GPHN: variants seen among roughly 807,000 people sequenced by gnomAD.
GPHN encodes gephyrin.
GPHN carries 17 observed loss-of-function variants against 95.5 expected under a neutral mutation model. The observed-to-expected ratio is 0.18, with a 90% CI of 0.12 to 0.27. The LOEUF is 0.27. GPHN is among the 10% of genes least tolerant of loss of function. The probability of loss-of-function intolerance (pLI) is 1.00; values close to 1 mark genes in which losing one functional copy is unlikely to be tolerated. For synonymous variants in GPHN, 320 were observed against 322.5 expected (o/e 0.99, Z 0.08); for missense variants, 660 against 978.1 (o/e 0.67, Z 4.34).
chr14:67,363,824 C>T, the GPHN span, among the ~76,000 whole-genome samples: 1 of 152,134 alleles, frequency 6.6e-6, no homozygotes, highest in African/African-American at 2.4e-5. Flanking sequence ...CCTTTAAGTT[C>T]TGTTACTACC....
At chr14:67,464,968 G>A in the GPHN span, among the ~76,000 whole-genome samples, 2 of 152,272 alleles carry the variant, frequency 1.3e-5, no homozygotes, top group African/African-American at 2.4e-5. Context: ...CGGAGTTGTC[G>A]GCACCCTGTA....
the GPHN span, among the ~76,000 whole-genome samples, chr14:67,237,067 G>A: frequency 6.6e-6 from 1 of 151,926 alleles, no homozygotes; most frequent in Admixed American, 6.6e-5. Context: ...TCCAGCCTGG[G>A]TGACTGAGCA....
the GPHN span, among the ~76,000 whole-genome samples, chr14:67,437,384 G>A: frequency 6.6e-6 from 1 of 152,204 alleles, no homozygotes; most frequent in Non-Finnish European, 1.5e-5. Flanking sequence ...AGATAAGATG[G>A]TCAGGGAAGG....
chr14:66,596,410 C>T (rs1468666468), intron 1 of GPHN, among the ~76,000 whole-genome samples: 1 of 152,066 alleles, frequency 6.6e-6, no homozygotes, highest in East Asian at 1.9e-4. Context: ...ATTAACCTGC[C>T]ATCCACGGTG....
intron 3 of GPHN, among the ~76,000 whole-genome samples, chr14:66,785,313 C>G (rs2059735312): frequency 6.6e-6 from 1 of 152,090 alleles, no homozygotes; most frequent in Non-Finnish European, 1.5e-5. Context: ...TTGCAGTGAG[C>G]CAAGATCACA....
the GPHN span, among the ~76,000 whole-genome samples, chr14:67,675,276 G>A: frequency 3.3e-5 from 5 of 152,148 alleles, no homozygotes; most frequent in Non-Finnish European, 5.9e-5. Context: ...GGGAGGCCGA[G>A]GTGGGAGGAT....
chr14:66,872,570 T>C (rs2063482946), intron 4 of GPHN, among the ~76,000 whole-genome samples: 1 of 152,164 alleles, frequency 6.6e-6, no homozygotes, highest in South Asian at 2.1e-4. Flanking sequence ...CTTTCATTAG[T>C]GTATTCCAGA....
intron 1 of GPHN, among the ~76,000 whole-genome samples, chr14:66,647,743 A>G (rs1221064824): frequency 1.3e-5 from 2 of 152,140 alleles, no homozygotes; most frequent in African/African-American, 2.4e-5. Context: ...TTTAGACATC[A>G]GTTGATCATA....
At chr14:67,662,470 T>C in the GPHN span, 1 of 1,612,648 alleles carries the variant, frequency 6.2e-7, no homozygotes, top group Non-Finnish European at 8.5e-7. Context: ...TTGTTCCTTG[T>C]TCTCACCGTT....
chr14:67,045,266 G>T (rs974575948), intron 10 of GPHN, among the ~76,000 whole-genome samples: 2 of 152,154 alleles, frequency 1.3e-5, no homozygotes, highest in African/African-American at 2.4e-5. Context: ...ACAACTACCC[G>T]CAGCCCCTTG....
At chr14:67,293,836 T>C in the GPHN span, among the ~76,000 whole-genome samples, 3 of 152,316 alleles carry the variant, frequency 2.0e-5, no homozygotes, top group East Asian at 5.8e-4. Flanking sequence ...GAGGAAGGTT[T>C]GTCCAGCTGG....
At chr14:66,685,321 G>A (rs558227688) in intron 2 of GPHN, among the ~76,000 whole-genome samples, 5 of 152,144 alleles carry the variant, frequency 3.3e-5, no homozygotes, top group African/African-American at 9.7e-5. Flanking sequence ...CTGAGGAATC[G>A]CCACACTGTC....
At chr14:67,314,425 C>T in the GPHN span, among the ~76,000 whole-genome samples, 1 of 152,148 alleles carries the variant, frequency 6.6e-6, no homozygotes, top group African/African-American at 2.4e-5. Context: ...AACTCAGAGG[C>T]TAGAAACAGA....
intron 1 of GPHN, among the ~76,000 whole-genome samples, chr14:66,651,323 G>A (rs971613430): frequency 2.0e-5 from 3 of 152,140 alleles, no homozygotes; most frequent in African/African-American, 7.2e-5. Flanking sequence ...AGATAAAATG[G>A]CTCCATTCAA....
the GPHN span, among the ~76,000 whole-genome samples, chr14:67,711,677 T>A: frequency 6.6e-6 from 1 of 152,208 alleles, no homozygotes; most frequent in Non-Finnish European, 1.5e-5. Flanking sequence ...ATCTTAGACT[T>A]CCAGATTCTT....
the GPHN span, among the ~76,000 whole-genome samples, chr14:67,492,439 G>A: frequency 3.3e-5 from 5 of 152,206 alleles, no homozygotes; most frequent in Non-Finnish European, 7.3e-5. Flanking sequence ...TCTCCTGTCA[G>A]TCAGAAAAAA....
chr14:66,510,520 C>T (rs566675642), intron 1 of GPHN, among the ~76,000 whole-genome samples: 2 of 152,098 alleles, frequency 1.3e-5, no homozygotes, highest in Non-Finnish European at 2.9e-5. Flanking sequence ...AACATTGATA[C>T]GCAAACAAAT....
the GPHN span, chr14:67,593,347 C>A: frequency 4.6e-6 from 1 of 215,926 alleles, no homozygotes; most frequent in Non-Finnish European, 9.3e-6. Context: ...AAAAACGAGC[C>A]AAGCATGGTG....
chr14:66,733,563 T>A (rs897518780), intron 2 of GPHN, among the ~76,000 whole-genome samples: 18 of 152,176 alleles, frequency 1.2e-4, no homozygotes, highest in African/African-American at 4.1e-4. Context: ...CTCTTCATTA[T>A]GTTGCTATAG....
Sources: gnomAD v4.1 joint callset for allele counts (sites outside exome capture counted in the v4.1 genomes callset) on GRCh38, gnomAD v4.1.1 for gene constraint, MANE v1.5 for transcripts, NCBI Gene and HGNC (gene_info 2026-07-23, HGNC 2026-07-21) for gene names.